LTBP3: variants seen among roughly 807,000 people sequenced by gnomAD.
The protein encoded by LTBP3 is latent transforming growth factor beta binding protein 3, also known as latent-transforming growth factor beta-binding protein 3.
LTBP3 carries 97 observed loss-of-function variants against 159.7 expected under a neutral mutation model. The ratio of observed to expected loss-of-function variants is 0.61; its 90% CI spans 0.52 to 0.72. The LOEUF is 0.72. Ranked by LOEUF, LTBP3 falls within the 30% of genes least tolerant of loss-of-function variation. The pLI is 0.00. For synonymous variants in LTBP3, 824 were observed against 777.1 expected, an observed-to-expected ratio of 1.06 and a Z score of -1.00; for missense variants, 1,584 against 1,864.3, an observed-to-expected ratio of 0.85 and a Z score of 2.77.
At position 65,554,177 on chromosome 11, in the gene LTBP3, CAG is replaced by C; in HGVS notation, c.533_534del (p.Ser178CysfsTer15). 6.2e-7 allele frequency: 1 copy of C among 1,611,930 alleles called. No homozygotes were observed. Among genetic ancestry groups the C allele is most frequent in the East Asian group, 2.2e-5 (1 of 44,834 alleles). ...ALPPLAPEGD[S>X]VASKHAIYAV... ...GCGTAGATGGCGTGCTTGCTGGCCA[CAG>C]AGTCGCCCTCCGGAGCCAGGGGCGG... On this transcript the variant is annotated frameshift_variant, in exon 2 of 28. Coordinates refer to ENST00000301873, the MANE Select transcript of LTBP3 (RefSeq NM_001130144.3). LOFTEE classifies it high-confidence loss of function. The surrounding 1 kb of genome is among the most constrained non-coding windows in gnomAD (Gnocchi z 5.3).
At position 65,554,441 on chromosome 11, in the gene LTBP3, C is replaced by A; in HGVS notation, c.332-61G>T. 2 of 1,401,146 alleles carry A rather than the reference C, an allele frequency of 1.4e-6. No individual in the cohort carries two copies. Among genetic ancestry groups the A allele is most frequent in the South Asian group, 1.2e-5 (1 of 80,308 alleles). The allele number at this position is 1,401,146 out of a possible 1,614,324, so 86.8% of individuals were successfully genotyped here. A position where few individuals can be genotyped will look rare whatever the true frequency, so the allele number is the denominator to read the frequency against. On this transcript the variant is annotated intron_variant, in intron 1 of 27. Coordinates refer to ENST00000301873, the MANE Select transcript of LTBP3 (RefSeq NM_001130144.3). The surrounding 1 kb of genome is among the most constrained non-coding windows in gnomAD (Gnocchi z 5.3). ...TCCTGTCTCTTTCCCCTCCTCCCTACTTCCTTGCCACCCACTGGCTCTGTC... is the reference window on the plus strand; with the variant it reads ...TCCTGTCTCTTTCCCCTCCTCCCTAATTCCTTGCCACCCACTGGCTCTGTC...
At chr11:65,557,555 A>G in intron 1 of LTBP3, 74 bp downstream of exon 1, 1 of 1,593,004 alleles carries the variant, frequency 6.3e-7, no homozygotes, top group South Asian at 1.1e-5. Context: ...CTCTAAGGCC[A>G]AGACCCCACT....
intron 21 of LTBP3, 90 bp downstream of exon 21, chr11:65,540,781 G>A: frequency 6.7e-7 from 1 of 1,500,330 alleles, no homozygotes; most frequent in Non-Finnish European, 9.1e-7. Context: ...ACCCGGCGCG[G>A]GCAGCTGACC....
At chr11:65,551,816 G>A in intron 8 of LTBP3, 156 bp downstream of exon 8, 8 of 990,806 alleles carry the variant, frequency 8.1e-6, no homozygotes, top group Non-Finnish European at 4.7e-6. Flanking sequence ...TCAAATATCT[G>A]GGTCAGGGGT....
At chr11:65,549,877 T>C (rs954039590) in intron 11 of LTBP3, among the ~76,000 whole-genome samples, 2 of 151,022 alleles carry the variant, frequency 1.3e-5, no homozygotes. Context: ...GCCATGATCC[T>C]GCCACTGACT....
At chr11:65,548,247 C>T in intron 11 of LTBP3, 1 of 726,628 alleles carries the variant, frequency 1.4e-6, no homozygotes, top group Non-Finnish European at 2.3e-6. Flanking sequence ...ACTCCAGGCC[C>T]CTGACAGCCG....
In LTBP3 at chr11:65,539,651, G is replaced by A. The variant is rs1855973476; in HGVS notation, c.3548-23C>T. ...ACCCTGGGAGGAGCAGAACTGGTCA[G>A]CGACGTCCGGGTCCCCGGGCCCTGG... On this transcript the variant is annotated intron_variant, in intron 25 of 27. Coordinates refer to ENST00000301873, the MANE Select transcript of LTBP3 (RefSeq NM_001130144.3). 5.6e-6 allele frequency: 9 copies of A among 1,596,858 alleles called. No homozygotes were observed. The East Asian group carries it at 2.0e-4, about 36-fold the overall frequency.
intron 21 of LTBP3, 51 bp from the exon 22 acceptor site, chr11:65,540,665 G>A (rs890770897): frequency 1.9e-6 from 3 of 1,544,516 alleles, no homozygotes; most frequent in African/African-American, 2.9e-5. Flanking sequence ...GCAGCCCGGA[G>A]GCGTGGGCTG....
intron 1 of LTBP3, 41 bp downstream of exon 1, chr11:65,557,588 C>T (rs1430448035): frequency 1.2e-6 from 2 of 1,603,172 alleles, no homozygotes; most frequent in Non-Finnish European, 1.7e-6. Flanking sequence ...GGGCCTGGTG[C>T]CTGTCCTTCC....
At position 65,554,272 on chromosome 11, in the gene LTBP3, G is replaced by T; in HGVS notation, c.440C>A (p.Ala147Asp). The T allele has an allele frequency of 6.2e-7, 1 of 1,610,700 alleles. No individual in the cohort carries two copies. The highest frequency in any genetic ancestry group is 8.5e-7 in the Non-Finnish European group (1 of 1,179,266). ...GCCTGAGCCGCCGGTACCCCCACCG[G>T]CTCCTCCTGCGGGCACCTGGCAGAA... ...GRFCQVPAGG[A>D]GGGTGGSGPG... Residue 147 changes from alanine to aspartate, a missense_variant, in exon 2 of 28, where the codon GCC becomes GAC. Ala to Asp is a moderately radical substitution (Grantham distance 126, BLOSUM62 -2). Around this residue, in one of 6 missense-constraint regions of LTBP3, gnomAD observed 194 missense variants for 198.7 expected, o/e 0.98. Transcript: ENST00000301873. The surrounding 1 kb of genome is among the most constrained non-coding windows in gnomAD (Gnocchi z 5.3).
At chr11:65,540,426 G>A (rs775168693) in intron 22 of LTBP3, 44 bp from the exon 23 acceptor site, 2 of 1,608,872 alleles carry the variant, frequency 1.2e-6, no homozygotes, top group Admixed American at 3.4e-5. Flanking sequence ...GGCCCGGGAT[G>A]GGCGCGGTGG....
At position 65,538,961 on chromosome 11, in the gene LTBP3, G is replaced by C. The variant is rs1004312802; in HGVS notation, c.*119C>G. ...GCCTCGGGTCTCAAGGCGCCGGGAG[G>C]GTCTGCGGGCCCTGAAGGTCCCTGG... is the stretch of plus-strand genomic sequence containing the variant. On this transcript the variant is annotated 3_prime_UTR_variant, in exon 28 of 28. Transcript: ENST00000301873. 10 of 1,315,870 alleles carry C rather than the reference G, an allele frequency of 7.6e-6. No homozygotes were observed. The highest frequency in any genetic ancestry group is 9.7e-6 in the Non-Finnish European group (10 of 1,033,830). The allele number at this position is 1,315,870 out of a possible 1,614,324, so 81.5% of individuals were successfully genotyped here.
intron 18 of LTBP3, chr11:65,542,123 T>G (rs1314637090): frequency 3.4e-6 from 1 of 295,350 alleles, no homozygotes; most frequent in Non-Finnish European, 6.8e-6. Flanking sequence ...TGCTTTGCAA[T>G]TACTGCTCTT....
Position 65,554,268 on chromosome 11 carries a change from A to C in LTBP3, c.444T>G (p.Gly148=). 1 of 1,610,200 alleles carries C rather than the reference A, an allele frequency of 6.2e-7. No individual in the cohort carries two copies. The highest frequency in any genetic ancestry group is 8.5e-7 in the Non-Finnish European group (1 of 1,179,122). The change falls in exon 2 of 28, where the codon GGT becomes GGG. Residue 148 remains glycine (G), a synonymous_variant. Coordinates refer to ENST00000301873, the MANE Select transcript of LTBP3 (RefSeq NM_001130144.3). The surrounding 1 kb of genome is among the most constrained non-coding windows in gnomAD (Gnocchi z 5.3). ...RFCQVPAGGA[G]GGTGGSGPGL... ...CGGGGCCTGAGCCGCCGGTACCCCC[A>C]CCGGCTCCTCCTGCGGGCACCTGGC... is the stretch of plus-strand genomic sequence containing the variant.
Position 65,546,584 on chromosome 11 carries a change from C to T in LTBP3, c.2231-20G>A, listed in dbSNP as rs762942280. The T allele has an allele frequency of 1.2e-6, 2 of 1,600,918 alleles. No homozygotes were observed. The highest frequency in any genetic ancestry group is 1.1e-5 in the South Asian group (1 of 90,930). ...TCACGTCTGCGGCGGAAAGACCTAG[C>T]CTCGGACTCTGCCCCACCGGAAGGC... On this transcript the variant is annotated intron_variant, in intron 15 of 27. Coordinates refer to ENST00000301873, the MANE Select transcript of LTBP3 (RefSeq NM_001130144.3). This position sits in a 1 kb window ranked among gnomAD's most constrained non-coding sequence, Gnocchi z 4.0.
At chr11:65,541,552 G>A (rs1565090477) in intron 19 of LTBP3, 48 bp downstream of exon 19, 1 of 1,613,570 alleles carries the variant, frequency 6.2e-7, no homozygotes, top group Non-Finnish European at 8.5e-7. Context: ...CCCAGCTGCA[G>A]CTCAGGGGAG....
At position 65,552,337 on chromosome 11, in the gene LTBP3, A is replaced by AGTGG; in HGVS notation, c.1252_1255dup (p.Leu419ProfsTer60). On this transcript the variant is annotated frameshift_variant, in exon 7 of 28. Transcript: ENST00000301873. LOFTEE classifies it high-confidence loss of function. The surrounding 1 kb of genome is among the most constrained non-coding windows in gnomAD (Gnocchi z 6.0). ...GAGCTGGCGGGTCAGGCGGGTGGTC[A>AGTGG]GTGGGTGCTGGCACTGGTGCTCAGG... is the stretch of plus-strand genomic sequence containing the variant. 1 of 1,614,064 alleles carries AGTGG rather than the reference A, an allele frequency of 6.2e-7. No homozygotes were observed. Among genetic ancestry groups the AGTGG allele is most frequent in the South Asian group, 1.1e-5 (1 of 91,084 alleles).
chr11:65,546,247 T>C lies in LTBP3; in HGVS notation c.2353+195A>G, dbSNP rs1856360084. On this transcript the variant is annotated intron_variant, in intron 16 of 27. Transcript: ENST00000301873. This position sits in a 1 kb window ranked among gnomAD's most constrained non-coding sequence, Gnocchi z 4.0. ...GCTTTGCAAACGCAGCTTCGAGCTC[T>C]ACCCCGAGACCCTTCCTACGTGGAA... 2 of 674,668 alleles carry C rather than the reference T, an allele frequency of 3.0e-6. No homozygotes were observed. 41.8% of individuals were successfully genotyped at this position (674,668 alleles called of 1,614,324 possible).
Position 65,539,150 on chromosome 11 carries a change from C to T in LTBP3, c.3842G>A (p.Arg1281His), listed in dbSNP as rs1398656435. 4 of 1,494,550 alleles carry T rather than the reference C, an allele frequency of 2.7e-6. No homozygotes were observed. In the African/African-American group the frequency reaches 5.8e-5, roughly 22 times the overall value. 92.6% of individuals were successfully genotyped at this position (1,494,550 alleles called of 1,614,324 possible). ...CGCGAAGCCGGCTTTGCAGACGCAGCGGAAGGAGCCGCTGGTGTTCACGCA... is the reference window on the plus strand; with the variant it reads ...CGCGAAGCCGGCTTTGCAGACGCAGTGGAAGGAGCCGCTGGTGTTCACGCA... The part of the protein sequence containing the change: ...ERCVNTSGSF[R>H]CVCKAGFARS... Residue 1281 changes from arginine (R) to histidine (H), a missense_variant, in exon 28 of 28, where the codon CGC becomes CAC. Physicochemically the swap from Arg to His is conservative, Grantham distance 29. This residue lies in a region of LTBP3 where 514 missense variants were observed against 530.3 expected (regional missense o/e 0.97). Transcript: ENST00000301873.
Sources: allele counts gnomAD v4.1 joint callset (sites outside exome capture counted in the v4.1 genomes callset), GRCh38; gene constraint gnomAD v4.1.1; regional missense constraint gnomAD v4.1.1; non-coding constraint Gnocchi (gnomAD v3.1); transcripts MANE v1.5; gene names NCBI Gene and HGNC (gene_info 2026-07-23, HGNC 2026-07-21).